XKR6: variants seen among roughly 807,000 people sequenced by gnomAD.
The protein encoded by XKR6 is XK-related protein 6.
A neutral mutation model predicts 56.7 loss-of-function variants in XKR6; 22 were observed. The observed-to-expected ratio is 0.39, with a 90% CI of 0.28 to 0.55. The LOEUF (loss-of-function observed/expected upper bound fraction) is 0.55. Among genes scored for constraint, XKR6 ranks in the 20% least tolerant of loss-of-function variants. The probability of loss-of-function intolerance (pLI) is 0.66; values close to 1 mark genes in which losing one functional copy is unlikely to be tolerated. For missense variants in XKR6, 852 were observed against 889.0 expected (o/e 0.96, Z 0.53); for synonymous variants, 524 against 387.8 (o/e 1.35, Z -4.13).
At position 10,939,002 on chromosome 8, in the gene XKR6, C is replaced by T. The variant is rs138532745; in HGVS notation, c.765-14172G>A. Among the ~76,000 whole-genome samples, 371 of 152,252 alleles carry T rather than the reference C, an allele frequency of 2.4e-3. 6 individuals carry two copies. Among genetic ancestry groups the T allele is most frequent in the East Asian group, 7.3e-3 (38 of 5,186 alleles). On this transcript the variant is annotated intron_variant, in intron 1 of 2. Transcript: ENST00000416569. ...CCTAAAGCTTAAGCTTCAGTGGGGC[C>T]GCAAGAAATCCATCTGTCCCCGAAC...
intron 1 of XKR6, among the ~76,000 whole-genome samples, chr8:11,169,478 T>C (rs889435488): frequency 2.0e-5 from 3 of 152,214 alleles, no homozygotes; most frequent in Non-Finnish European, 2.9e-5. Context: ...AACTCTGATA[T>C]ATGTTAGACC....
At chr8:10,952,579 C>G (rs1395858732) in intron 1 of XKR6, among the ~76,000 whole-genome samples, 1 of 152,194 alleles carries the variant, frequency 6.6e-6, no homozygotes, top group African/African-American at 2.4e-5. Flanking sequence ...TCAGCCTCCC[C>G]CGTACCTGGG....
intron 1 of XKR6, among the ~76,000 whole-genome samples, chr8:11,059,753 G>C (rs1161398230): frequency 6.6e-6 from 1 of 151,334 alleles, no homozygotes; most frequent in Non-Finnish European, 1.5e-5. Context: ...CCGCCCCGCG[G>C]CTCCCTCTCA....
At chr8:11,021,634 G>T (rs561781065) in intron 1 of XKR6, among the ~76,000 whole-genome samples, 1 of 152,062 alleles carries the variant, frequency 6.6e-6, no homozygotes, top group Non-Finnish European at 1.5e-5. Flanking sequence ...GATCCCAAAC[G>T]CTCCAGAGTC....
At chr8:11,088,618 C>T (rs1797969793) in intron 1 of XKR6, among the ~76,000 whole-genome samples, 1 of 152,142 alleles carries the variant, frequency 6.6e-6, no homozygotes, top group South Asian at 2.1e-4. Flanking sequence ...GCATGGTACT[C>T]CTATTAAAAT....
chr8:11,020,184 T>C, intron 1 of XKR6, among the ~76,000 whole-genome samples: 1 of 152,076 alleles, frequency 6.6e-6, no homozygotes, highest in Non-Finnish European at 1.5e-5. Context: ...TGAGGGGACT[T>C]CAAATAATGG....
intron 1 of XKR6, among the ~76,000 whole-genome samples, chr8:10,949,200 G>T (rs1016526528): frequency 5.9e-5 from 9 of 152,206 alleles, no homozygotes; most frequent in Non-Finnish European, 1.3e-4. Context: ...CCCTACTCCC[G>T]CTTCCAGCCT....
At chr8:10,958,203 T>C (rs1801955205) in intron 1 of XKR6, among the ~76,000 whole-genome samples, 1 of 152,212 alleles carries the variant, frequency 6.6e-6, no homozygotes, top group Non-Finnish European at 1.5e-5. Flanking sequence ...TTCCATGAGA[T>C]GCAAGTTCCC....
chr8:11,074,499 A>ATACCAGG, intron 1 of XKR6, among the ~76,000 whole-genome samples: 1 of 152,224 alleles, frequency 6.6e-6, no homozygotes, highest in South Asian at 2.1e-4. Flanking sequence ...CAGATACCAG[A>ATACCAGG]CACTATGCCG....
At chr8:11,054,693 G>C (rs11774266) in intron 1 of XKR6, among the ~76,000 whole-genome samples, 36,057 of 152,172 alleles carry the variant, frequency 0.24, 4,821 homozygotes, top group Non-Finnish European at 0.31. Flanking sequence ...ACCCAGAACA[G>C]TTGCCTATTC....
chr8:10,921,483 C>T (rs569308785), intron 2 of XKR6, among the ~76,000 whole-genome samples: 3 of 152,332 alleles, frequency 2.0e-5, no homozygotes, highest in African/African-American at 7.2e-5. Flanking sequence ...AACACAGCCC[C>T]TTATGTGCCC....
chr8:11,002,203 A>C lies in XKR6; in HGVS notation c.765-77373T>G, dbSNP rs77839235. On this transcript the variant is annotated intron_variant, in intron 1 of 2. Coordinates refer to ENST00000416569, the MANE Select transcript of XKR6 (RefSeq NM_173683.4). Reference sequence around the variant, plus strand: ...CACCCTCCCCAATCCTGAGAGGGCCAGCACCATTCCTCCACAAAGCCACTC... The same window carrying C: ...CACCCTCCCCAATCCTGAGAGGGCCCGCACCATTCCTCCACAAAGCCACTC... Among the ~76,000 whole-genome samples the C allele has an allele frequency of 6.6e-3, 998 of 152,280 alleles. 2 individuals carry two copies. Among genetic ancestry groups the C allele is most frequent in the South Asian group, 0.011 (52 of 4,822 alleles).
At chr8:10,937,685 T>TG (rs1325045616) in intron 1 of XKR6, among the ~76,000 whole-genome samples, 15 of 148,154 alleles carry the variant, frequency 1.0e-4, no homozygotes, top group African/African-American at 2.2e-4. Flanking sequence ...GTGCCCCTGC[T>TG]GGGGGGTGCC....
At chr8:11,164,454 T>C (rs767818158) in intron 1 of XKR6, among the ~76,000 whole-genome samples, 3 of 152,180 alleles carry the variant, frequency 2.0e-5, no homozygotes. Context: ...CCCCTATGGG[T>C]TCCTGTGGGG....
intron 2 of XKR6, among the ~76,000 whole-genome samples, chr8:10,904,921 G>C (rs1800143303): frequency 6.6e-6 from 1 of 152,196 alleles, no homozygotes; most frequent in African/African-American, 2.4e-5. Flanking sequence ...GAGAGCGTCA[G>C]CTCAGCCCCA....
chr8:11,168,792 C>T lies in XKR6; in HGVS notation c.764+31784G>A, dbSNP rs144966561. 1.7e-3 allele frequency among the ~76,000 whole-genome samples: 256 copies of T among 152,276 alleles called. 1 individual carries two copies. Among genetic ancestry groups the T allele is most frequent in the Admixed American group, 3.1e-3 (47 of 15,298 alleles). On this transcript the variant is annotated intron_variant, in intron 1 of 2. Coordinates refer to ENST00000416569, the MANE Select transcript of XKR6 (RefSeq NM_173683.4). ...GGCTGCAGGCACAGATAAGAAAACTCGCACAAACATCCAGCCCACTCAGAT... is the reference window on the plus strand; with the variant it reads ...GGCTGCAGGCACAGATAAGAAAACTTGCACAAACATCCAGCCCACTCAGAT...
chr8:11,143,606 T>C (rs927697564), intron 1 of XKR6, among the ~76,000 whole-genome samples: 1 of 152,068 alleles, frequency 6.6e-6, no homozygotes, highest in Non-Finnish European at 1.5e-5. Flanking sequence ...AAATGTATGA[T>C]GGGGTGAAGG....
intron 1 of XKR6, among the ~76,000 whole-genome samples, chr8:11,172,010 G>A (rs986962025): frequency 6.6e-6 from 1 of 150,662 alleles, no homozygotes; most frequent in African/African-American, 2.4e-5. Flanking sequence ...CCAACATCAC[G>A]CCATTGCACT....
chr8:11,187,991 A>T (rs1013731655), intron 1 of XKR6, among the ~76,000 whole-genome samples: 11 of 152,186 alleles, frequency 7.2e-5, no homozygotes, highest in Non-Finnish European at 1.3e-4. Flanking sequence ...TCCACTTACA[A>T]AGTTACATAG....
Sources: gnomAD v4.1 joint callset for allele counts (sites outside exome capture counted in the v4.1 genomes callset) on GRCh38, gnomAD v4.1.1 for gene constraint, MANE v1.5 for transcripts, NCBI Gene and HGNC (gene_info 2026-07-23, HGNC 2026-07-21) for gene names.